Variants in JAKMIP2 observed in about 807,000 individuals in gnomAD.
JAKMIP2 encodes the protein janus kinase and microtubule-interacting protein 2.
JAKMIP2 carries 25 observed loss-of-function variants against 115.0 expected under a neutral mutation model. That is an observed-to-expected ratio of 0.22 (90% CI 0.16 to 0.30). The LOEUF (loss-of-function observed/expected upper bound fraction) is 0.30. Ranked by LOEUF, JAKMIP2 falls within the 10% of genes least tolerant of loss-of-function variation. The probability of loss-of-function intolerance (pLI) is 1.00; values close to 1 mark genes in which losing one functional copy is unlikely to be tolerated. For synonymous variants in JAKMIP2, 334 were observed against 343.6 expected (o/e 0.97, Z 0.31); for missense variants, 642 against 957.6 (o/e 0.67, Z 4.35).
intron 1 of JAKMIP2, among the ~76,000 whole-genome samples, chr5:147,694,460 T>C (rs1752014148): frequency 6.6e-6 from 1 of 152,058 alleles, no homozygotes. Flanking sequence ...ATAAAGAGGG[T>C]ATACAGGAAA....
intron 1 of JAKMIP2, among the ~76,000 whole-genome samples, chr5:147,689,632 C>G (rs536280386): frequency 2.0e-5 from 3 of 152,146 alleles, no homozygotes; most frequent in Non-Finnish European, 4.4e-5. Context: ...AAACAGTACA[C>G]GTTACTGTTT....
chr5:147,654,685 C>A (rs1468310808), intron 3 of JAKMIP2, among the ~76,000 whole-genome samples: 1 of 152,152 alleles, frequency 6.6e-6, no homozygotes, highest in African/African-American at 2.4e-5. Flanking sequence ...TCCTCTCTTC[C>A]TATCTGAATA....
At chr5:147,700,617 A>G (rs1248264712) in intron 1 of JAKMIP2, among the ~76,000 whole-genome samples, 1 of 152,176 alleles carries the variant, frequency 6.6e-6, no homozygotes, top group Non-Finnish European at 1.5e-5. Context: ...GGAGAAATTC[A>G]GCTGTGTATT....
At chr5:147,675,893 A>G (rs992034311) in intron 1 of JAKMIP2, among the ~76,000 whole-genome samples, 1 of 149,456 alleles carries the variant, frequency 6.7e-6, no homozygotes, top group African/African-American at 2.5e-5. Context: ...ATTGCTGAAT[A>G]ATATTCTATT....
chr5:147,697,311 T>C (rs181480981), intron 1 of JAKMIP2, among the ~76,000 whole-genome samples: 39 of 152,254 alleles, frequency 2.6e-4, no homozygotes, highest in African/African-American at 9.4e-4. Context: ...TTATTCACTA[T>C]CATGAGAACA....
intron 1 of JAKMIP2, among the ~76,000 whole-genome samples, chr5:147,696,819 G>T (rs774856063): frequency 1.6e-4 from 25 of 152,310 alleles, no homozygotes; most frequent in Non-Finnish European, 2.8e-4. Context: ...GAACTTGTAG[G>T]GAACTGGAAT....
Position 147,707,022 on chromosome 5 carries a change from A to G in JAKMIP2, c.-148-35068T>C, listed in dbSNP as rs535733821. 2.5e-4 allele frequency among the ~76,000 whole-genome samples: 38 copies of G among 152,218 alleles called. No homozygotes were observed. In the South Asian group the frequency reaches 7.7e-3, roughly 31 times the overall value. On this transcript the variant is annotated intron_variant, in intron 1 of 21. Coordinates refer to ENST00000616793, the MANE Select transcript of JAKMIP2 (RefSeq NM_001270941.2). ...GTTATACTTTCTAGGCCTTTTTTTG[A>G]GGGTTATGAATCATAAACTTTTTAA...
intron 1 of JAKMIP2, among the ~76,000 whole-genome samples, chr5:147,771,742 A>G (rs1488396874): frequency 1.3e-5 from 2 of 152,116 alleles, no homozygotes; most frequent in Non-Finnish European, 2.9e-5. Flanking sequence ...TAATTGTTAC[A>G]TGCATTAATA....
At chr5:147,655,560 T>A (rs1372059606) in intron 3 of JAKMIP2, among the ~76,000 whole-genome samples, 1 of 152,158 alleles carries the variant, frequency 6.6e-6, no homozygotes, top group Non-Finnish European at 1.5e-5. Context: ...CTTTTATCAT[T>A]TTTTATTGTG....
At chr5:147,764,555 G>A (rs1755044180) in intron 1 of JAKMIP2, among the ~76,000 whole-genome samples, 1 of 151,958 alleles carries the variant, frequency 6.6e-6, no homozygotes. Flanking sequence ...AAGTAAAAGA[G>A]ATTTAAAAAG....
chr5:147,671,554 G>T (rs995950844), intron 2 of JAKMIP2, 124 bp downstream of exon 2: 2 of 681,462 alleles, frequency 2.9e-6, no homozygotes, highest in Non-Finnish European at 4.3e-6. Flanking sequence ...TACAGGGGAC[G>T]TTGCCCTCTC....
chr5:147,702,650 A>AG (rs1561547607), intron 1 of JAKMIP2, among the ~76,000 whole-genome samples: 1 of 111,996 alleles, frequency 8.9e-6, no homozygotes, highest in East Asian at 2.8e-4. Flanking sequence ...GAAAGAAAGA[A>AG]AGAAAGAAAG....
intron 1 of JAKMIP2, among the ~76,000 whole-genome samples, chr5:147,685,137 A>G (rs2126843891): frequency 6.6e-6 from 1 of 152,308 alleles, no homozygotes; most frequent in South Asian, 2.1e-4. Flanking sequence ...TGCTAGCAAA[A>G]GACATAATTA....
At chr5:147,750,034 A>C (rs1754491180) in intron 1 of JAKMIP2, among the ~76,000 whole-genome samples, 1 of 152,264 alleles carries the variant, frequency 6.6e-6, no homozygotes, top group Non-Finnish European at 1.5e-5. Context: ...ATCATGACTC[A>C]TACATGGTTA....
chr5:147,708,166 A>C (rs1478387079), intron 1 of JAKMIP2, among the ~76,000 whole-genome samples: 1 of 152,234 alleles, frequency 6.6e-6, no homozygotes, highest in Non-Finnish European at 1.5e-5. Flanking sequence ...CAATGGAAAA[A>C]TAGTGTTGAC....
At chr5:147,759,669 T>C (rs555685858) in intron 1 of JAKMIP2, among the ~76,000 whole-genome samples, 1 of 152,228 alleles carries the variant, frequency 6.6e-6, no homozygotes, top group African/African-American at 2.4e-5. Flanking sequence ...GCAATTTGAA[T>C]GACAAGAAGC....
At chr5:147,730,382 C>G (rs1487463380) in intron 1 of JAKMIP2, among the ~76,000 whole-genome samples, 2 of 152,034 alleles carry the variant, frequency 1.3e-5, no homozygotes, top group Admixed American at 6.5e-5. Flanking sequence ...ATCTGATCAC[C>G]CTCAATATAT....
intron 21 of JAKMIP2, among the ~76,000 whole-genome samples, chr5:147,592,693 C>A (rs191567513): frequency 1.3e-5 from 2 of 152,166 alleles, no homozygotes; most frequent in Admixed American, 1.3e-4. Flanking sequence ...CTTCTCTAAG[C>A]CTCAATCTCC....
At chr5:147,708,457 A>G (rs1752661238) in intron 1 of JAKMIP2, among the ~76,000 whole-genome samples, 1 of 152,190 alleles carries the variant, frequency 6.6e-6, no homozygotes, top group Non-Finnish European at 1.5e-5. Flanking sequence ...CACTGACTTA[A>G]TTAACAGCTA....
Sources: gnomAD v4.1 joint callset for allele counts (sites outside exome capture counted in the v4.1 genomes callset) on GRCh38, gnomAD v4.1.1 for gene constraint, MANE v1.5 for transcripts, NCBI Gene and HGNC (gene_info 2026-07-23, HGNC 2026-07-21) for gene names.